Variants in ZFHX3 observed in about 807,000 individuals in gnomAD.
The protein encoded by ZFHX3 is zinc finger homeobox protein 3.
In ZFHX3, 42 loss-of-function variants were observed where a neutral mutation model predicts 279.1. The observed-to-expected ratio is 0.15, with a 90% CI of 0.12 to 0.19. The LOEUF (loss-of-function observed/expected upper bound fraction) is 0.19. ZFHX3 is among the 10% of genes least tolerant of loss of function. The probability of loss-of-function intolerance (pLI) is 1.00; values close to 1 mark genes in which losing one functional copy is unlikely to be tolerated. For missense variants in ZFHX3, 4,981 were observed against 4,754.0 expected (o/e 1.05, Z -1.40); for synonymous variants, 2,293 against 1,957.8 (o/e 1.17, Z -4.52).
At chr16:72,977,424 C>T (rs1343895543) in intron 1 of ZFHX3, among the ~76,000 whole-genome samples, 1 of 152,132 alleles carries the variant, frequency 6.6e-6, no homozygotes, top group African/African-American at 2.4e-5. Flanking sequence ...ACGACACATG[C>T]TGCATTATGG....
intron 3 of ZFHX3, among the ~76,000 whole-genome samples, chr16:73,356,746 T>G (rs1483294236): frequency 1.3e-5 from 2 of 152,050 alleles, no homozygotes; most frequent in Non-Finnish European, 2.9e-5. Flanking sequence ...ATATTATCAT[T>G]AGATTTTGTT....
chr16:72,964,241 G>A (rs565931017), intron 1 of ZFHX3, among the ~76,000 whole-genome samples: 1 of 152,278 alleles, frequency 6.6e-6, no homozygotes, highest in Admixed American at 6.5e-5. Flanking sequence ...AGCAATGCAT[G>A]GAGATTTAAG....
chr16:73,457,715 C>T (rs1471974286), intron 2 of ZFHX3, among the ~76,000 whole-genome samples: 4 of 152,296 alleles, frequency 2.6e-5, no homozygotes, highest in South Asian at 4.1e-4. Context: ...GCGGAGGTTG[C>T]AGCGAGCCGA....
chr16:72,903,805 C>T (rs1157180816), intron 3 of ZFHX3, among the ~76,000 whole-genome samples: 1 of 152,124 alleles, frequency 6.6e-6, no homozygotes, highest in Non-Finnish European at 1.5e-5. Context: ...GATCAGCAGA[C>T]TAAGAGAAAA....
chr16:73,699,514 CT>C, intron 1 of ZFHX3, among the ~76,000 whole-genome samples: 1 of 152,218 alleles, frequency 6.6e-6, no homozygotes, highest in South Asian at 2.1e-4. Flanking sequence ...TGTTACACGA[CT>C]TTAATTAAAA....
chr16:73,785,996 G>C (rs1340905472), intron 1 of ZFHX3, among the ~76,000 whole-genome samples: 1 of 151,928 alleles, frequency 6.6e-6, no homozygotes, highest in Non-Finnish European at 1.5e-5. Flanking sequence ...TCAACCTTCT[G>C]AGTAGGTGGG....
At chr16:73,296,154 A>C (rs1300073101) in intron 4 of ZFHX3, among the ~76,000 whole-genome samples, 1 of 152,044 alleles carries the variant, frequency 6.6e-6, no homozygotes, top group Non-Finnish European at 1.5e-5. Flanking sequence ...GTTTGGAAAT[A>C]ATGTAGGCAA....
At position 73,148,447 on chromosome 16, in the gene ZFHX3, T is replaced by A. The variant is rs148032684; in HGVS notation, c.-1103-4616A>T. Among the ~76,000 whole-genome samples the A allele has an allele frequency of 5.5e-4, 84 of 151,908 alleles. 1 individual carries two copies. The East Asian group carries it at 0.016, about 28-fold the overall frequency. ...TGGTTCCATGCAGCAATTTGAAAAC[T>A]ATGAACTGGATAATCTCTGGATACT... On this transcript the variant is annotated intron_variant, in intron 5 of 17. Coordinates refer to the ZFHX3 transcript ENST00000641206.
Position 73,340,091 on chromosome 16 carries a change from G to A in ZFHX3, c.-1290-21755C>T, listed in dbSNP as rs191788320. Among the ~76,000 whole-genome samples the A allele has an allele frequency of 4.5e-4, 68 of 152,274 alleles. 1 individual carries two copies. In the East Asian group the frequency reaches 6.6e-3, roughly 15 times the overall value. On this transcript the variant is annotated intron_variant, in intron 3 of 17. Coordinates refer to the ZFHX3 transcript ENST00000641206. Reference sequence around the variant, plus strand: ...GAACTCTGGGATCAGGGAGACTCACGGAGGTAACAGGCTTACGTTGCAGTA... The same window carrying A: ...GAACTCTGGGATCAGGGAGACTCACAGAGGTAACAGGCTTACGTTGCAGTA...
At chr16:73,820,990 C>T (rs1170919808) in intron 1 of ZFHX3, among the ~76,000 whole-genome samples, 2 of 152,020 alleles carry the variant, frequency 1.3e-5, no homozygotes. Context: ...TAGGAGACAA[C>T]TATTATTATC....
chr16:73,261,692 T>TTTTTTTTTTTTTG, intron 4 of ZFHX3, among the ~76,000 whole-genome samples: 1 of 128,826 alleles, frequency 7.8e-6, no homozygotes, highest in Non-Finnish European at 1.7e-5. Context: ...TTTTTTTTTT[T>TTTTTTTTTTTTTG]AGGACAGAGT....
intron 2 of ZFHX3, among the ~76,000 whole-genome samples, chr16:73,539,016 G>A (rs1237151210): frequency 2.6e-5 from 4 of 152,272 alleles, no homozygotes; most frequent in Non-Finnish European, 5.9e-5. Context: ...CCCTAAGCAG[G>A]TATGATCCAG....
At position 72,927,991 on chromosome 16, in the gene ZFHX3, G is replaced by A. The variant is rs192095319; in HGVS notation, c.3216+22478C>T. Among the ~76,000 whole-genome samples the A allele has an allele frequency of 8.8e-3, 1,299 of 147,000 alleles. 38 individuals are homozygous for A. Among genetic ancestry groups the A allele is most frequent in the East Asian group, 0.033 (163 of 4,962 alleles). Reference sequence around the variant, plus strand: ...ACCCACGGCCACTGTGCCTTTGGAAGCTGGGATGCGCCAGAGGCCTCCAGG... The same window carrying A: ...ACCCACGGCCACTGTGCCTTTGGAAACTGGGATGCGCCAGAGGCCTCCAGG... On this transcript the variant is annotated intron_variant, in intron 3 of 9. Transcript: ENST00000268489.
upstream of ZFHX3, chr16:73,060,100 T>G (rs1290503893): frequency 6.6e-6 from 1 of 151,456 alleles, no homozygotes; most frequent in East Asian, 1.9e-4. Flanking sequence ...AAAGCAGGGA[T>G]GTAATAAAGG....
chr16:73,579,077 G>A (rs186545588), intron 2 of ZFHX3, among the ~76,000 whole-genome samples: 21 of 152,268 alleles, frequency 1.4e-4, no homozygotes, highest in Admixed American at 1.1e-3. Flanking sequence ...TCTGAAGCCC[G>A]CACCTGGAAG....
At chr16:72,981,956 C>T (rs946634297) in intron 1 of ZFHX3, among the ~76,000 whole-genome samples, 3 of 150,726 alleles carry the variant, frequency 2.0e-5, no homozygotes, top group Admixed American at 2.0e-4. Flanking sequence ...CATCTCGGCT[C>T]ACTGCAACCT....
chr16:73,409,503 T>C (rs868069000), intron 3 of ZFHX3, among the ~76,000 whole-genome samples: 2 of 152,160 alleles, frequency 1.3e-5, no homozygotes, highest in Non-Finnish European at 2.9e-5. Context: ...AAGGAAACAT[T>C]GCATACCACT....
chr16:72,955,010 G>T (rs1189213773), intron 2 of ZFHX3, among the ~76,000 whole-genome samples: 1 of 152,202 alleles, frequency 6.6e-6, no homozygotes, highest in Non-Finnish European at 1.5e-5. Flanking sequence ...GCCACAGCTA[G>T]AACTGAAAGT....
chr16:73,038,808 T>C (rs1044035493), intron 1 of ZFHX3, among the ~76,000 whole-genome samples: 17 of 151,370 alleles, frequency 1.1e-4, no homozygotes, highest in Non-Finnish European at 1.9e-4. Flanking sequence ...ATTATTATTA[T>C]TATTATTGAG....
Sources: allele counts gnomAD v4.1 joint callset (sites outside exome capture counted in the v4.1 genomes callset), GRCh38; gene constraint gnomAD v4.1.1; transcripts MANE v1.5; gene names NCBI Gene and HGNC (gene_info 2026-07-23, HGNC 2026-07-21).